CCDC191: variants seen among roughly 807,000 people sequenced by gnomAD.
The protein encoded by CCDC191 is coiled-coil domain containing 191, also known as coiled-coil domain-containing protein 191.
CCDC191 carries 99 observed loss-of-function variants against 114.0 expected under a neutral mutation model. The ratio of observed to expected loss-of-function variants is 0.87; its 90% confidence interval spans 0.74 to 1.03. The LOEUF is 1.03. Among genes scored for constraint, CCDC191 ranks in the 50% least tolerant of loss-of-function variants. CCDC191 has a pLI of 0.00. For missense variants in CCDC191, 973 were observed against 1,087.0 expected (o/e 0.90, Z 1.47); for synonymous variants, 351 against 376.0 (o/e 0.93, Z 0.77).
chr3:113,993,486 T>G (rs187763445), intron 13 of CCDC191, among the ~76,000 whole-genome samples: 1 of 152,164 alleles, frequency 6.6e-6, no homozygotes, highest in Admixed American at 6.5e-5. Context: ...TAAAAATAAT[T>G]TAATGGAGAA....
intron 2 of CCDC191, chr3:114,047,156 C>T: frequency 2.0e-6 from 2 of 978,510 alleles, no homozygotes; most frequent in Non-Finnish European, 1.2e-6. Context: ...ATTAGTACTC[C>T]TGAAGGAAAT....
At chr3:114,035,246 T>A in intron 5 of CCDC191, 98 bp from the exon 6 acceptor site, 1 of 822,918 alleles carries the variant, frequency 1.2e-6, no homozygotes, top group Non-Finnish European at 1.9e-6. Context: ...TACAACCAGT[T>A]TGAAATATGC....
chr3:113,985,845 T>C (rs1194388271), intron 13 of CCDC191, among the ~76,000 whole-genome samples: 1 of 152,178 alleles, frequency 6.6e-6, no homozygotes, highest in East Asian at 1.9e-4. Context: ...CCGGCTAAAT[T>C]AGTACAAATC....
rs1226044163 is a variant in CCDC191 at position 114,002,544 on chromosome 3, A to G, written c.1979-6T>C. On this transcript the variant is annotated splice_polypyrimidine_tract_variant and splice_region_variant and intron_variant, in intron 11 of 16. Transcript: ENST00000295878. Reference sequence around the variant, plus strand: ...AATTGCTCTCTCTTCCATAGCTAGAAAATAGTAACAGAGTTCTAATATTTT... The same window carrying G: ...AATTGCTCTCTCTTCCATAGCTAGAGAATAGTAACAGAGTTCTAATATTTT... 1 of 1,598,778 alleles carries G rather than the reference A, an allele frequency of 6.3e-7. No homozygotes were observed. The highest frequency in any genetic ancestry group is 8.5e-7 in the Non-Finnish European group (1 of 1,170,712).
rs1169610447 is a variant in CCDC191 at position 113,980,685 on chromosome 3, T to C, written c.2272A>G (p.Lys758Glu). Residue 758 changes from lysine (K) to glutamate (E), a missense_variant, in exon 14 of 17, where the codon AAG becomes GAG. Transcript: ENST00000295878. ...TGTTTGCTTTGCATTCTCAATCTCT[T>C]CCAAGGCTCTAGACCTTTTTTCCTT... ...LLRKKGLEPW[K>E]RLRMQSKQNI... 1 of 1,604,168 alleles carries C rather than the reference T, an allele frequency of 6.2e-7. No individual in the cohort carries two copies. The highest frequency in any genetic ancestry group is 8.5e-7 in the Non-Finnish European group (1 of 1,177,392).
chr3:113,967,288 C>T (rs184089764), intron 16 of CCDC191, among the ~76,000 whole-genome samples: 300 of 152,242 alleles, frequency 2.0e-3, no homozygotes, highest in African/African-American at 6.8e-3. Context: ...TGTTCTCTGA[C>T]GTCTGCATTT....
In CCDC191 at chr3:113,965,776, T is replaced by C. The variant is rs181482681; in HGVS notation, c.2607-417A>G. Among the ~76,000 whole-genome samples the C allele has an allele frequency of 2.0e-5, 3 of 151,916 alleles. No individual in the cohort carries two copies. The East Asian group carries it at 5.8e-4, about 29-fold the overall frequency. ...GGCTAATTTTTTTTTTGTATTTTTA[T>C]TGGAGACGGGGTTTCACCATGTTGG... On this transcript the variant is annotated intron_variant, in intron 16 of 16. Transcript: ENST00000295878.
intron 11 of CCDC191, chr3:114,002,899 T>C (rs1005756111): frequency 2.0e-6 from 2 of 982,720 alleles, no homozygotes; most frequent in African/African-American, 3.5e-5. Context: ...TGCAGAAAAC[T>C]TTAATTACAT....
At position 114,027,601 on chromosome 3, in the gene CCDC191, C is replaced by CAAA. The variant is rs67548547; in HGVS notation, c.972+4022_972+4024dup. 4.9e-3 allele frequency among the ~76,000 whole-genome samples: 295 copies of CAAA among 59,862 alleles called. 6 individuals are homozygous for CAAA. The highest frequency in any genetic ancestry group is 8.3e-3 in the Middle Eastern group (1 of 120). The allele number at this position is 59,862 out of a possible 152,430, so 39.3% of individuals were successfully genotyped here. A position where few individuals can be genotyped will look rare whatever the true frequency, so the allele number is the denominator to read the frequency against. ...TGGGTGACAGGGCAAGACTCTGTCT[C>CAAA]AAAAAAAAAAAAAAAAAAAAAGAAA... On this transcript the variant is annotated intron_variant, in intron 7 of 16. Coordinates refer to ENST00000295878, the MANE Select transcript of CCDC191 (RefSeq NM_020817.2).
At chr3:114,038,819 G>A (rs1405974235) in intron 4 of CCDC191, among the ~76,000 whole-genome samples, 1 of 152,188 alleles carries the variant, frequency 6.6e-6, no homozygotes, top group Non-Finnish European at 1.5e-5. Context: ...ACTTAAAAGT[G>A]GGAGCTGAAT....
At chr3:114,010,698 C>T (rs1239522132) in intron 9 of CCDC191, 74 bp downstream of exon 9, 7 of 1,448,432 alleles carry the variant, frequency 4.8e-6, no homozygotes, top group South Asian at 1.3e-5. Context: ...AGCAATCTGA[C>T]AATGACTGAC....
At chr3:113,974,669 ATTAT>A (rs1941150569) in intron 16 of CCDC191, among the ~76,000 whole-genome samples, 1 of 151,950 alleles carries the variant, frequency 6.6e-6, no homozygotes, top group South Asian at 2.1e-4. Context: ...GCACTGAAGG[ATTAT>A]TTATTTATTT....
chr3:114,019,300 G>C (rs978804557), intron 7 of CCDC191, among the ~76,000 whole-genome samples: 2 of 152,120 alleles, frequency 1.3e-5, no homozygotes, highest in Admixed American at 1.3e-4. Flanking sequence ...AGTGAACGGG[G>C]GAGATTCCAT....
chr3:114,053,744 T>C, intron 1 of CCDC191, 109 bp from the exon 2 acceptor site: 1 of 604,808 alleles, frequency 1.7e-6, no homozygotes, highest in East Asian at 3.1e-5. Context: ...CTTTATTATT[T>C]CCCCAAAGCA....
chr3:114,017,924 C>A (rs2076186139), intron 8 of CCDC191, among the ~76,000 whole-genome samples: 1 of 152,120 alleles, frequency 6.6e-6, no homozygotes, highest in Admixed American at 6.5e-5. Flanking sequence ...TTCAAGAATG[C>A]AAACTTGAAC....
chr3:113,978,638 G>A (rs1268172774), intron 15 of CCDC191: 2 of 610,846 alleles, frequency 3.3e-6, no homozygotes, highest in African/African-American at 3.7e-5. Flanking sequence ...ATAACTTACA[G>A]TTTATACACA....
intron 16 of CCDC191, among the ~76,000 whole-genome samples, chr3:113,971,869 T>G (rs1403627805): frequency 6.6e-6 from 1 of 152,074 alleles, no homozygotes; most frequent in Non-Finnish European, 1.5e-5. Flanking sequence ...TATTAGTGGT[T>G]TGTTGAGGTT....
At chr3:114,053,678 TTA>T in intron 1 of CCDC191, 43 bp from the exon 2 acceptor site, 1 of 1,386,654 alleles carries the variant, frequency 7.2e-7, no homozygotes, top group Non-Finnish European at 1.0e-6. Context: ...AGCAATATCT[TTA>T]TCAACTTTGC....
chr3:113,998,796 T>A (rs1433033271), intron 13 of CCDC191, among the ~76,000 whole-genome samples: 1 of 152,210 alleles, frequency 6.6e-6, no homozygotes, highest in Non-Finnish European at 1.5e-5. Context: ...TTTCCCTGCA[T>A]GCAGTGATTC....
Sources: gnomAD v4.1 joint callset for allele counts (sites outside exome capture counted in the v4.1 genomes callset) on GRCh38, gnomAD v4.1.1 for gene constraint, MANE v1.5 for transcripts, NCBI Gene and HGNC (gene_info 2026-07-23, HGNC 2026-07-21) for gene names.